PKIB: variants seen among roughly 807,000 people sequenced by gnomAD.
PKIB encodes the protein PKI-beta.
Under a neutral mutation model 4.5 loss-of-function variants are expected in PKIB, and 2 were observed. That is an observed-to-expected ratio of 0.44 (90% confidence interval 0.18 to 1.39). The LOEUF is 1.39. Among genes scored for constraint, PKIB ranks in the 40% most tolerant of loss-of-function variants. The pLI, the probability that PKIB is intolerant of heterozygous loss-of-function variation, is 0.27. For synonymous variants in PKIB, 38 were observed against 36.0 expected (o/e 1.06, Z -0.20); for missense variants, 94 against 92.6 (o/e 1.02, Z -0.06).
At chr6:122,680,344 G>A (rs990810574) in intron 3 of PKIB, among the ~76,000 whole-genome samples, 7 of 152,164 alleles carry the variant, frequency 4.6e-5, no homozygotes, top group Admixed American at 6.5e-5. Context: ...AAGGTCTGTC[G>A]GTCTAGATTC....
At chr6:122,487,996 T>G (rs1290635819) in intron 2 of PKIB, among the ~76,000 whole-genome samples, 1 of 152,196 alleles carries the variant, frequency 6.6e-6, no homozygotes, top group Non-Finnish European at 1.5e-5. Flanking sequence ...AGTTTCTGTT[T>G]CTCTCTTTAG....
intron 2 of PKIB, among the ~76,000 whole-genome samples, chr6:122,563,573 A>T (rs1305039964): frequency 6.6e-6 from 1 of 151,962 alleles, no homozygotes; most frequent in African/African-American, 2.4e-5. Flanking sequence ...GTAGGGAAGG[A>T]ACATCAGGCG....
chr6:122,533,315 G>A (rs757607046), intron 2 of PKIB, among the ~76,000 whole-genome samples: 7 of 151,978 alleles, frequency 4.6e-5, no homozygotes, highest in Non-Finnish European at 8.8e-5. Flanking sequence ...GACTATAGGC[G>A]TATACCACCG....
intron 2 of PKIB, among the ~76,000 whole-genome samples, chr6:122,669,557 C>G (rs780354732): frequency 2.6e-5 from 4 of 151,968 alleles, no homozygotes; most frequent in Non-Finnish European, 5.9e-5. Flanking sequence ...TGATCTTAGT[C>G]TTAGATTCTA....
At chr6:122,583,604 C>G (rs184679144) in intron 2 of PKIB, among the ~76,000 whole-genome samples, 218 of 152,228 alleles carry the variant, frequency 1.4e-3, no homozygotes, top group African/African-American at 5.1e-3. Flanking sequence ...AATCCCCTCA[C>G]ACTGAATACG....
At chr6:122,585,985 G>C (rs993158632) in exon 3 of PKIB, 41 of 152,058 alleles carry the variant, frequency 2.7e-4, no homozygotes, top group African/African-American at 9.9e-4. Flanking sequence ...TGAGAACTTG[G>C]ACATACATAC....
intron 2 of PKIB, among the ~76,000 whole-genome samples, chr6:122,634,792 A>T (rs1242204238): frequency 6.6e-6 from 1 of 152,152 alleles, no homozygotes; most frequent in African/African-American, 2.4e-5. Flanking sequence ...ATACAAAAAA[A>T]TTAGCCGGGT....
intron 2 of PKIB, among the ~76,000 whole-genome samples, chr6:122,564,948 T>C (rs1213991661): frequency 1.3e-5 from 2 of 152,156 alleles, no homozygotes; most frequent in African/African-American, 4.8e-5. Context: ...GTTAATGATA[T>C]AGACTAGTTA....
intron 1 of PKIB, among the ~76,000 whole-genome samples, chr6:122,619,893 A>T (rs967123980): frequency 6.6e-6 from 1 of 152,104 alleles, no homozygotes; most frequent in Admixed American, 6.6e-5. Flanking sequence ...ACCTGGAACA[A>T]CTGTTCAATA....
At chr6:122,587,042 G>A (rs1835473) in intron 3 of PKIB, among the ~76,000 whole-genome samples, 91,930 of 151,594 alleles carry the variant, frequency 0.61, 28,436 homozygotes, top group East Asian at 0.68. Context: ...TTTTTTTATT[G>A]TACTTTAAGT....
At position 122,559,301 on chromosome 6, in the gene PKIB, A is replaced by G. The variant is rs548408404; in HGVS notation, c.-247-26620A>G. Among the ~76,000 whole-genome samples the G allele has an allele frequency of 5.5e-4, 84 of 151,480 alleles. 1 individual carries two copies. Among genetic ancestry groups the G allele is most frequent in the Middle Eastern group, 3.4e-3 (1 of 292 alleles). ...ATAATTATATATATAATATATATAT[A>G]TGCCACTTTCCCCACTTTATGTTTT... On this transcript the variant is annotated intron_variant, in intron 2 of 6. Coordinates refer to the PKIB transcript ENST00000392491.
At chr6:122,643,621 C>T (rs1241524256) in intron 2 of PKIB, 2 of 152,164 alleles carry the variant, frequency 1.3e-5, no homozygotes. Flanking sequence ...TTCTAATTTA[C>T]AGATGCTTGA....
intron 2 of PKIB, among the ~76,000 whole-genome samples, chr6:122,667,297 G>A (rs888458038): frequency 2.0e-5 from 3 of 152,110 alleles, no homozygotes; most frequent in Admixed American, 6.5e-5. Context: ...CGTGGCTCAC[G>A]CCTGTAATCC....
intron 2 of PKIB, among the ~76,000 whole-genome samples, chr6:122,533,546 A>G (rs906474914): frequency 5.9e-5 from 9 of 152,162 alleles, no homozygotes; most frequent in African/African-American, 9.7e-5. Flanking sequence ...GATTTTCTCT[A>G]TTGTCTCACA....
At chr6:122,684,508 C>A (rs1286150518) in intron 3 of PKIB, among the ~76,000 whole-genome samples, 1 of 152,106 alleles carries the variant, frequency 6.6e-6, no homozygotes, top group Non-Finnish European at 1.5e-5. Context: ...ATCACACCAC[C>A]ATGTCCACTA....
chr6:122,659,049 A>G (rs1776885721), intron 2 of PKIB, among the ~76,000 whole-genome samples: 1 of 152,028 alleles, frequency 6.6e-6, no homozygotes, highest in African/African-American at 2.4e-5. Flanking sequence ...CACTTTACCA[A>G]ATAGAAGTCA....
intron 2 of PKIB, among the ~76,000 whole-genome samples, chr6:122,541,309 A>T (rs1361332395): frequency 6.6e-6 from 1 of 152,036 alleles, no homozygotes; most frequent in Non-Finnish European, 1.5e-5. Context: ...ATGTTTTTGC[A>T]GTGGGTGGTA....
intron 2 of PKIB, among the ~76,000 whole-genome samples, chr6:122,500,295 CT>C (rs71272334): frequency 0.013 from 1,923 of 151,302 alleles, 46 homozygotes; most frequent in African/African-American, 0.045. Flanking sequence ...ATATCACATT[CT>C]TTTTTTTTAT....
chr6:122,610,603 G>A (rs1350830509), intron 1 of PKIB, 68 bp downstream of exon 1: 2 of 152,428 alleles, frequency 1.3e-5, no homozygotes, highest in Non-Finnish European at 2.9e-5. Context: ...TGGGACTTGG[G>A]AAGTCGGGGG....
Sources: gnomAD v4.1 joint callset for allele counts (sites outside exome capture counted in the v4.1 genomes callset) on GRCh38, gnomAD v4.1.1 for gene constraint, MANE v1.5 for transcripts, NCBI Gene and HGNC (gene_info 2026-07-23, HGNC 2026-07-21) for gene names.